PTPRD: variants seen among roughly 807,000 people sequenced by gnomAD.
PTPRD encodes the protein protein tyrosine phosphatase receptor type D.
A neutral mutation model predicts 214.5 loss-of-function variants in PTPRD; 34 were observed. The ratio of observed to expected loss-of-function variants is 0.16; its 90% CI spans 0.12 to 0.21. The LOEUF (loss-of-function observed/expected upper bound fraction) is 0.21. Among genes scored for constraint, PTPRD ranks in the 10% least tolerant of loss-of-function variants. The pLI is 1.00. For synonymous variants in PTPRD, 1,128 were observed against 845.7 expected (o/e 1.33, Z -5.79); for missense variants, 2,545 against 2,398.7 (o/e 1.06, Z -1.27).
chr9:9,449,837 G>T (rs900038216), intron 8 of PTPRD, among the ~76,000 whole-genome samples: 2 of 151,842 alleles, frequency 1.3e-5, no homozygotes. Context: ...CTTGCCATCT[G>T]AGCAGTGTAC....
chr9:8,650,211 C>A (rs1199321472), intron 12 of PTPRD, among the ~76,000 whole-genome samples: 1 of 152,004 alleles, frequency 6.6e-6, no homozygotes, highest in Non-Finnish European at 1.5e-5. Context: ...AGCCCACACT[C>A]AGCAAGGGCA....
At chr9:8,859,257 A>G (rs1042831446) in intron 11 of PTPRD, among the ~76,000 whole-genome samples, 1 of 152,236 alleles carries the variant, frequency 6.6e-6, no homozygotes, top group Non-Finnish European at 1.5e-5. Flanking sequence ...GAAGGACACT[A>G]TAACACCTCT....
intron 11 of PTPRD, among the ~76,000 whole-genome samples, chr9:8,985,353 A>C (rs924638549): frequency 2.0e-5 from 3 of 152,098 alleles, no homozygotes; most frequent in African/African-American, 7.2e-5. Flanking sequence ...GCTACAACTT[A>C]TTTAAAACAC....
At chr9:9,085,592 C>G (rs2099765925) in intron 10 of PTPRD, among the ~76,000 whole-genome samples, 1 of 151,518 alleles carries the variant, frequency 6.6e-6, no homozygotes, top group Admixed American at 6.6e-5. Flanking sequence ...CACATTAGCA[C>G]TTATACTTCA....
chr9:8,375,551 A>T (rs2082987133), intron 39 of PTPRD, among the ~76,000 whole-genome samples: 1 of 152,070 alleles, frequency 6.6e-6, no homozygotes, highest in Admixed American at 6.6e-5. Context: ...TTTTTCCCCT[A>T]TAAATAGTAA....
chr9:8,598,199 C>T (rs940248331), intron 14 of PTPRD, among the ~76,000 whole-genome samples: 2 of 152,064 alleles, frequency 1.3e-5, no homozygotes, highest in Non-Finnish European at 2.9e-5. Flanking sequence ...CAAAAATAGC[C>T]AGTGCACTCT....
intron 14 of PTPRD, among the ~76,000 whole-genome samples, chr9:8,594,366 C>G (rs1054872024): frequency 1.3e-5 from 2 of 152,150 alleles, no homozygotes; most frequent in African/African-American, 4.8e-5. Context: ...TATCAAAGAT[C>G]TCCTAAGAAT....
intron 3 of PTPRD, among the ~76,000 whole-genome samples, chr9:10,331,221 G>A (rs1236581662): frequency 6.6e-6 from 1 of 151,880 alleles, no homozygotes; most frequent in Non-Finnish European, 1.5e-5. Context: ...ATACTGGTTT[G>A]AAAGAGGAGT....
At chr9:10,109,441 C>T (rs1024117266) in intron 3 of PTPRD, among the ~76,000 whole-genome samples, 18 of 152,132 alleles carry the variant, frequency 1.2e-4, no homozygotes, top group Non-Finnish European at 1.5e-4. Flanking sequence ...TACATAATTG[C>T]CAAATCCTAT....
chr9:9,919,056 C>G (rs774326460), intron 5 of PTPRD, among the ~76,000 whole-genome samples: 1 of 151,962 alleles, frequency 6.6e-6, no homozygotes, highest in African/African-American at 2.4e-5. Flanking sequence ...CTTTTATTTG[C>G]TAATGTTAAA....
At chr9:8,321,892 C>T (rs905854777) in intron 44 of PTPRD, among the ~76,000 whole-genome samples, 1 of 151,958 alleles carries the variant, frequency 6.6e-6, no homozygotes, top group African/African-American at 2.4e-5. Context: ...GTCAATCTTG[C>T]ATTGAACAAG....
At chr9:8,542,740 G>T (rs573649313) in intron 14 of PTPRD, among the ~76,000 whole-genome samples, 2 of 152,182 alleles carry the variant, frequency 1.3e-5, no homozygotes, top group Non-Finnish European at 2.9e-5. Context: ...AGAGCAAGCC[G>T]TTTGCCTCCT....
intron 2 of PTPRD, among the ~76,000 whole-genome samples, chr9:10,581,788 A>G (rs2071933594): frequency 6.6e-6 from 1 of 152,146 alleles, no homozygotes; most frequent in Non-Finnish European, 1.5e-5. Context: ...ATAGAAATTA[A>G]ATGATGCTTT....
intron 7 of PTPRD, among the ~76,000 whole-genome samples, chr9:9,656,984 C>A (rs1475524374): frequency 6.6e-6 from 1 of 151,892 alleles, no homozygotes; most frequent in Non-Finnish European, 1.5e-5. Flanking sequence ...AATGAGAAGA[C>A]AAAAGTATGC....
chr9:10,529,428 A>G (rs1005132804), intron 2 of PTPRD, among the ~76,000 whole-genome samples: 6 of 152,114 alleles, frequency 3.9e-5, no homozygotes, highest in African/African-American at 1.4e-4. Flanking sequence ...AGGGACATGG[A>G]TAAAGCTGGA....
At chr9:8,409,716 C>T (rs2093356673) in intron 35 of PTPRD, among the ~76,000 whole-genome samples, 1 of 152,152 alleles carries the variant, frequency 6.6e-6, no homozygotes, top group Admixed American at 6.6e-5. Context: ...TTCACTTTCC[C>T]TCATCCCGCC....
At chr9:8,511,339 G>A (rs377025482) in intron 21 of PTPRD, among the ~76,000 whole-genome samples, 1 of 152,102 alleles carries the variant, frequency 6.6e-6, no homozygotes, top group Admixed American at 6.6e-5. Context: ...TCAAAGCACT[G>A]AGAGTATGGG....
At chr9:9,459,403 A>C (rs1481458071) in intron 8 of PTPRD, among the ~76,000 whole-genome samples, 1 of 152,136 alleles carries the variant, frequency 6.6e-6, no homozygotes, top group Non-Finnish European at 1.5e-5. Flanking sequence ...GGAAGAGAGA[A>C]AGTCAAATTA....
intron 3 of PTPRD, among the ~76,000 whole-genome samples, chr9:10,221,081 A>G (rs1482306919): frequency 1.3e-5 from 2 of 152,024 alleles, no homozygotes; most frequent in African/African-American, 4.8e-5. Context: ...TACAGTTTCA[A>G]GCCTATGTTA....
Sources: gnomAD v4.1 joint callset for allele counts (sites outside exome capture counted in the v4.1 genomes callset) on GRCh38, gnomAD v4.1.1 for gene constraint, MANE v1.5 for transcripts, NCBI Gene and HGNC (gene_info 2026-07-23, HGNC 2026-07-21) for gene names.